Variants in CRCP observed in about 807,000 individuals in gnomAD.
CRCP encodes the protein DNA-directed RNA polymerase III subunit RPC9.
A neutral mutation model predicts 18.5 loss-of-function variants in CRCP; 18 were observed. The ratio of observed to expected loss-of-function variants is 0.97; its 90% CI spans 0.67 to 1.44. The LOEUF (loss-of-function observed/expected upper bound fraction) is 1.44, where lower values mean the gene tolerates loss of function less well. Ranked by LOEUF, CRCP falls within the 40% of genes most tolerant of loss-of-function variation. The probability of loss-of-function intolerance (pLI) is 0.00; values close to 1 mark genes in which losing one functional copy is unlikely to be tolerated. For missense variants in CRCP, 130 were observed against 176.4 expected (o/e 0.74, Z 1.49); for synonymous variants, 53 against 62.9 (o/e 0.84, Z 0.75).
intron 1 of CRCP, among the ~76,000 whole-genome samples, chr7:66,116,586 T>C (rs75760412): frequency 6.6e-6 from 1 of 152,222 alleles, no homozygotes; most frequent in South Asian, 2.1e-4. Flanking sequence ...TATAATTTAC[T>C]CTAGTCCAAG....
At chr7:66,121,006 T>A (rs1787421956) in intron 1 of CRCP, among the ~76,000 whole-genome samples, 2 of 150,710 alleles carry the variant, frequency 1.3e-5, no homozygotes, top group Non-Finnish European at 2.9e-5. Flanking sequence ...AAATTCTGAT[T>A]GAGGAAATAC....
intron 4 of CRCP, 51 bp from the exon 5 acceptor site, chr7:66,145,385 GTCAGGAC>G: frequency 6.4e-7 from 1 of 1,563,688 alleles, no homozygotes; most frequent in Non-Finnish European, 8.8e-7. Context: ...GTGCAGCTCA[GTCAGGAC>G]TCAGGACTTA....
chr7:66,135,749 C>T (rs1330787699), intron 4 of CRCP, among the ~76,000 whole-genome samples: 1 of 151,998 alleles, frequency 6.6e-6, no homozygotes, highest in Non-Finnish European at 1.5e-5. Context: ...TGGAGAAACC[C>T]CATCTCTACT....
At chr7:66,151,895 G>A (rs960182903) in intron 5 of CRCP, among the ~76,000 whole-genome samples, 1 of 150,420 alleles carries the variant, frequency 6.6e-6, no homozygotes, top group African/African-American at 2.4e-5. Context: ...ATGCTTGGTT[G>A]ATTTTTTTTG....
rs1788553984 is a variant in CRCP, at chr7:66,154,365, C to G, written c.*2008C>G. The G allele has an allele frequency of 6.6e-6, 1 of 151,778 alleles. No homozygotes were observed. The highest frequency in any genetic ancestry group is 2.1e-4 in the South Asian group (1 of 4,810). The allele number at this position is 151,778 out of a possible 1,614,324, so 9.4% of individuals were successfully genotyped here. A position where few individuals can be genotyped will look rare whatever the true frequency, so the allele number is the denominator to read the frequency against. On this transcript the variant is annotated 3_prime_UTR_variant, in exon 6 of 6. Transcript: ENST00000395326. ...CTAAAATTTGTATTTTTAGTAGAGA[C>G]AGGGTTTTGCCATATTGGCCAGGCT...
intron 4 of CRCP, among the ~76,000 whole-genome samples, chr7:66,135,493 T>C (rs1408220183): frequency 6.6e-6 from 1 of 152,246 alleles, no homozygotes; most frequent in Non-Finnish European, 1.5e-5. Flanking sequence ...GCAGAAGACC[T>C]TTCTTCCTTC....
chr7:66,150,155 C>T lies in CRCP; in HGVS notation c.298-2053C>T, dbSNP rs368686049. The stretch of plus-strand genomic sequence containing the variant: ...TTTTGGCCGGGCGCGGTGGCTAACT[C>T]CTGTAATCCCAGCACTTTGGGAGGC... On this transcript the variant is annotated intron_variant, in intron 5 of 5. Coordinates refer to ENST00000395326, the MANE Select transcript of CRCP (RefSeq NM_014478.5). Among the ~76,000 whole-genome samples, 325 of 151,312 alleles carry T rather than the reference C, an allele frequency of 2.1e-3. No homozygotes were observed. The Middle Eastern group carries it at 0.027, about 13-fold the overall frequency.
intron 5 of CRCP, chr7:66,150,679 CTTA>C (rs1365579034): frequency 6.6e-6 from 1 of 151,920 alleles, no homozygotes; most frequent in Admixed American, 6.6e-5. Flanking sequence ...GCAGGCCTGT[CTTA>C]TTATCTTGTT....
intron 4 of CRCP, 112 bp downstream of exon 4, chr7:66,134,486 A>T: frequency 1.3e-6 from 1 of 746,550 alleles, no homozygotes; most frequent in Non-Finnish European, 2.3e-6. Context: ...AAGAAGGATT[A>T]TAGTATTGGA....
chr7:66,118,673 C>G (rs114098396), intron 1 of CRCP, among the ~76,000 whole-genome samples: 7 of 152,264 alleles, frequency 4.6e-5, no homozygotes, highest in African/African-American at 1.7e-4. Flanking sequence ...GCACATTCTC[C>G]CATATACTTT....
chr7:66,153,151 C>T lies in CRCP; in HGVS notation c.*794C>T, dbSNP rs1404788373. 6.6e-6 allele frequency: 1 copy of T among 152,666 alleles called. No homozygotes were observed. Among genetic ancestry groups the T allele is most frequent in the African/African-American group, 2.4e-5 (1 of 41,418 alleles). The allele number at this position is 152,666 out of a possible 1,614,324, so 9.5% of individuals were successfully genotyped here. On this transcript the variant is annotated 3_prime_UTR_variant, in exon 6 of 6. Transcript: ENST00000395326. ...ATTGTTTGTTCCTTTAAAAAGGACACAATTAGCCTGGCACGGTGACTCATG... is the reference window on the plus strand; with the variant it reads ...ATTGTTTGTTCCTTTAAAAAGGACATAATTAGCCTGGCACGGTGACTCATG...
chr7:66,125,282 GTGGT>G (rs1239614137), intron 1 of CRCP, among the ~76,000 whole-genome samples: 1 of 149,052 alleles, frequency 6.7e-6, no homozygotes, highest in Non-Finnish European at 1.5e-5. Flanking sequence ...TCGTTTAGTG[GTGGT>G]TACAGTAACT....
chr7:66,130,960 C>A, intron 3 of CRCP, 118 bp downstream of exon 3: 1 of 657,572 alleles, frequency 1.5e-6, no homozygotes, highest in South Asian at 2.0e-5. Context: ...ATGTTTTATT[C>A]TAACCTGATT....
At chr7:66,147,225 C>T (rs1788324703) in intron 5 of CRCP, among the ~76,000 whole-genome samples, 1 of 151,972 alleles carries the variant, frequency 6.6e-6, no homozygotes, top group Admixed American at 6.6e-5. Context: ...ACCTGTAATC[C>T]CAGCTACTTG....
At chr7:66,122,219 C>A (rs1787463520) in intron 1 of CRCP, among the ~76,000 whole-genome samples, 1 of 151,822 alleles carries the variant, frequency 6.6e-6, no homozygotes, top group Non-Finnish European at 1.5e-5. Flanking sequence ...ACTAAAAATA[C>A]AAAAAATTAG....
intron 5 of CRCP, among the ~76,000 whole-genome samples, chr7:66,149,622 A>G (rs753997425): frequency 3.9e-5 from 6 of 152,196 alleles, no homozygotes; most frequent in Admixed American, 6.5e-5. Context: ...TCAACATCCA[A>G]TCCTCCTTAA....
intron 5 of CRCP, among the ~76,000 whole-genome samples, chr7:66,150,048 C>T (rs1788411416): frequency 2.6e-5 from 4 of 151,816 alleles, no homozygotes; most frequent in Non-Finnish European, 4.4e-5. Flanking sequence ...CCTTGTGATC[C>T]GCCCACCTCA....
rs184296809 is a variant in CRCP at position 66,119,959 on chromosome 7, G to A, written c.8+4989G>A. Among the ~76,000 whole-genome samples the A allele has an allele frequency of 1.0e-3, 152 of 152,186 alleles. 1 individual carries two copies. Among genetic ancestry groups the A allele is most frequent in the African/African-American group, 3.6e-3 (149 of 41,530 alleles). On this transcript the variant is annotated intron_variant, in intron 1 of 5. Coordinates refer to ENST00000395326, the MANE Select transcript of CRCP (RefSeq NM_014478.5). ...GCACTTTGGGAGGCTGAGTGGGGCG[G>A]ATCATGAGGTCAGGAGATCGAGACC...
At chr7:66,135,119 G>A (rs1171788429) in intron 4 of CRCP, among the ~76,000 whole-genome samples, 1 of 152,236 alleles carries the variant, frequency 6.6e-6, no homozygotes, top group East Asian at 1.9e-4. Flanking sequence ...ACCTTACAAA[G>A]CACTTCACAC....
Sources: gnomAD v4.1 joint callset for allele counts (sites outside exome capture counted in the v4.1 genomes callset) on GRCh38, gnomAD v4.1.1 for gene constraint, MANE v1.5 for transcripts, NCBI Gene and HGNC (gene_info 2026-07-23, HGNC 2026-07-21) for gene names.